PAK5: variants seen among roughly 807,000 people sequenced by gnomAD.
The protein encoded by PAK5 is serine/threonine-protein kinase PAK 5.
In PAK5, 16 loss-of-function variants were observed where a neutral mutation model predicts 65.9. The ratio of observed to expected loss-of-function variants is 0.24; its 90% CI spans 0.16 to 0.37. The LOEUF (loss-of-function observed/expected upper bound fraction) is 0.37, where lower values mean the gene tolerates loss of function less well. Ranked by LOEUF, PAK5 falls within the 10% of genes least tolerant of loss-of-function variation. PAK5 has a pLI of 1.00. For synonymous variants in PAK5, 371 were observed against 354.9 expected, an observed-to-expected ratio of 1.05 and a Z score of -0.51; for missense variants, 785 against 903.9, an observed-to-expected ratio of 0.87 and a Z score of 1.69.
chr20:9,666,191 A>G (rs1398138389), intron 2 of PAK5, among the ~76,000 whole-genome samples: 1 of 152,134 alleles, frequency 6.6e-6, no homozygotes, highest in Non-Finnish European at 1.5e-5. Flanking sequence ...CTTTACAAAG[A>G]TATTTACAGA....
chr20:9,724,230 T>C (rs1460322438), intron 1 of PAK5, among the ~76,000 whole-genome samples: 1 of 152,214 alleles, frequency 6.6e-6, no homozygotes, highest in Non-Finnish European at 1.5e-5. Flanking sequence ...TTTATGTTTT[T>C]AGTACCAAAG....
At chr20:9,588,954 C>T (rs2046117913) in intron 3 of PAK5, among the ~76,000 whole-genome samples, 1 of 152,128 alleles carries the variant, frequency 6.6e-6, no homozygotes, top group South Asian at 2.1e-4. Flanking sequence ...ATGGATCTGT[C>T]TGTGAAAACA....
chr20:9,568,689 G>A (rs6056708), intron 4 of PAK5, among the ~76,000 whole-genome samples: 28,741 of 152,108 alleles, frequency 0.19, 3,048 homozygotes, highest in African/African-American at 0.29. Flanking sequence ...TGGAAGGGTT[G>A]GGTGCAGTGG....
chr20:9,687,881 A>T (rs2047739896), intron 2 of PAK5, among the ~76,000 whole-genome samples: 1 of 122,818 alleles, frequency 8.1e-6, no homozygotes, highest in Non-Finnish European at 1.6e-5. Flanking sequence ...AAGTCAAGAG[A>T]GGGAGGTGTG....
chr20:9,546,113 A>G (rs1438360625), intron 7 of PAK5, among the ~76,000 whole-genome samples: 4 of 152,204 alleles, frequency 2.6e-5, no homozygotes, highest in African/African-American at 4.8e-5. Context: ...GGTCTGACCC[A>G]GAGACAAGAT....
chr20:9,704,642 G>A (rs2047983300), intron 2 of PAK5, among the ~76,000 whole-genome samples: 1 of 152,050 alleles, frequency 6.6e-6, no homozygotes, highest in Non-Finnish European at 1.5e-5. Context: ...GTTTCCCTAG[G>A]ACACTGAACC....
At chr20:9,778,928 T>A (rs950941126) in intron 1 of PAK5, among the ~76,000 whole-genome samples, 5 of 152,178 alleles carry the variant, frequency 3.3e-5, no homozygotes, top group Admixed American at 6.5e-5. Context: ...CTCTTGCCCT[T>A]CCCTACACGT....
chr20:9,744,268 A>C (rs958267291), intron 1 of PAK5, among the ~76,000 whole-genome samples: 1 of 152,348 alleles, frequency 6.6e-6, no homozygotes, highest in Non-Finnish European at 1.5e-5. Context: ...CAGGAAATTA[A>C]TACAGAGCCT....
chr20:9,777,176 G>A (rs371335307), intron 1 of PAK5, among the ~76,000 whole-genome samples: 24 of 152,108 alleles, frequency 1.6e-4, no homozygotes, highest in African/African-American at 3.4e-4. Flanking sequence ...CATTTCACTC[G>A]AGATATAAAG....
At chr20:9,785,089 T>TA (rs2048979192) in intron 1 of PAK5, among the ~76,000 whole-genome samples, 3 of 152,144 alleles carry the variant, frequency 2.0e-5, no homozygotes, top group Admixed American at 1.3e-4. Flanking sequence ...TTAACTTGTA[T>TA]CAAGTTAAAA....
At chr20:9,823,438 C>A (rs144884745) in intron 1 of PAK5, among the ~76,000 whole-genome samples, 1 of 152,306 alleles carries the variant, frequency 6.6e-6, no homozygotes, top group Non-Finnish European at 1.5e-5. Flanking sequence ...AAGGGTGGGG[C>A]TAGGTGGAGA....
chr20:9,779,041 C>A (rs945965302), intron 1 of PAK5, among the ~76,000 whole-genome samples: 1 of 151,972 alleles, frequency 6.6e-6, no homozygotes. Context: ...TCAGATTTAG[C>A]GTCTCTTTTT....
intron 7 of PAK5, among the ~76,000 whole-genome samples, chr20:9,549,411 G>T (rs940173392): frequency 6.6e-6 from 1 of 152,162 alleles, no homozygotes; most frequent in African/African-American, 2.4e-5. Flanking sequence ...AAGTCCTAGA[G>T]TTACCCTGGG....
At chr20:9,796,055 G>T (rs2049101118) in intron 1 of PAK5, among the ~76,000 whole-genome samples, 1 of 151,998 alleles carries the variant, frequency 6.6e-6, no homozygotes, top group Admixed American at 6.6e-5. Flanking sequence ...TAACAGGAAT[G>T]CTCTAATAAA....
chr20:9,835,536 T>C lies in PAK5; in HGVS notation c.-162+3226A>G, dbSNP rs531702678. ...TCCCAGGTGTGTGGGTGGTATTTTA[T>C]GTAGGGAACTGACATTATCCTCTCT... On this transcript the variant is annotated intron_variant, in intron 1 of 9. Coordinates refer to ENST00000353224, the MANE Select transcript of PAK5 (RefSeq NM_177990.4). Among the ~76,000 whole-genome samples, 11 of 152,254 alleles carry C rather than the reference T, an allele frequency of 7.2e-5. No homozygotes were observed. The East Asian group carries it at 1.9e-3, about 27-fold the overall frequency.
At chr20:9,828,663 G>T (rs1285164492) in intron 1 of PAK5, among the ~76,000 whole-genome samples, 2 of 152,186 alleles carry the variant, frequency 1.3e-5, no homozygotes, top group Non-Finnish European at 2.9e-5. Context: ...AACACCATTT[G>T]CATGAATCCA....
At chr20:9,615,125 G>C (rs1049744047) in intron 3 of PAK5, among the ~76,000 whole-genome samples, 1 of 152,200 alleles carries the variant, frequency 6.6e-6, no homozygotes, top group African/African-American at 2.4e-5. Flanking sequence ...CACTGGAACA[G>C]GTAAAACTAA....
rs764773733 is a variant in PAK5, at chr20:9,566,232, G to A, written c.1143C>T (p.Thr381=). Residue 381 remains threonine (T), a synonymous_variant, in exon 5 of 10, where the codon ACC becomes ACT. Coordinates refer to ENST00000353224, the MANE Select transcript of PAK5 (RefSeq NM_177990.4). The part of the protein sequence containing the change: ...HQYPSGYHKA[T]LYHHPSLQSS... ...TCTGCAGGGAGGGGTGATGGTACAA[G>A]GTGGCTTTGTGGTACCCAGACGGGT... 37 of 1,613,742 alleles carry A rather than the reference G, an allele frequency of 2.3e-5. No individual in the cohort carries two copies. Among genetic ancestry groups the A allele is most frequent in the Non-Finnish European group, 3.0e-5 (35 of 1,179,990 alleles).
intron 2 of PAK5, among the ~76,000 whole-genome samples, chr20:9,671,616 A>C (rs1397521292): frequency 6.7e-6 from 1 of 148,974 alleles, no homozygotes; most frequent in Non-Finnish European, 1.5e-5. Context: ...ATTTTTGTAC[A>C]TTGATTTTGT....
Sources: gnomAD v4.1 joint callset for allele counts (sites outside exome capture counted in the v4.1 genomes callset) on GRCh38, gnomAD v4.1.1 for gene constraint, MANE v1.5 for transcripts, NCBI Gene and HGNC (gene_info 2026-07-23, HGNC 2026-07-21) for gene names.